Variants in TP63 observed in about 807,000 individuals in gnomAD.
The protein encoded by TP63 is tumor protein 63.
Under a neutral mutation model 82.8 loss-of-function variants are expected in TP63, and 17 were observed. The ratio of observed to expected loss-of-function variants is 0.21; its 90% CI spans 0.14 to 0.31. The LOEUF (loss-of-function observed/expected upper bound fraction) is 0.31. Among genes scored for constraint, TP63 ranks in the 10% least tolerant of loss-of-function variants. The pLI is 1.00. For missense variants in TP63, 648 were observed against 895.3 expected (o/e 0.72, Z 3.52); for synonymous variants, 330 against 321.7 (o/e 1.03, Z -0.28).
chr3:189,778,062 G>A (rs1305485164), intron 3 of TP63, among the ~76,000 whole-genome samples: 3 of 151,800 alleles, frequency 2.0e-5, no homozygotes, highest in Non-Finnish European at 4.4e-5. Flanking sequence ...CACCATGCTG[G>A]TGAACTCCAG....
chr3:189,676,525 G>C (rs954415838), intron 1 of TP63, among the ~76,000 whole-genome samples: 1 of 151,748 alleles, frequency 6.6e-6, no homozygotes, highest in Non-Finnish European at 1.5e-5. Context: ...ATATGTATTT[G>C]TATTATATAG....
intron 1 of TP63, among the ~76,000 whole-genome samples, chr3:189,641,986 T>C (rs568399638): frequency 6.6e-6 from 1 of 152,162 alleles, no homozygotes; most frequent in Non-Finnish European, 1.5e-5. Context: ...GTCAGGGCTA[T>C]CTGACCCAAA....
At chr3:189,873,658 T>C (rs1194278029) in intron 10 of TP63, 1 of 155,576 alleles carries the variant, frequency 6.4e-6, no homozygotes, top group African/African-American at 2.4e-5. Context: ...ATATAACCTA[T>C]TTATATGTTA....
chr3:189,873,972 T>C (rs1718736455), intron 10 of TP63, among the ~76,000 whole-genome samples: 1 of 152,212 alleles, frequency 6.6e-6, no homozygotes, highest in Non-Finnish European at 1.5e-5. Flanking sequence ...GCAAAGATTA[T>C]ATTTTACAAT....
At chr3:189,647,304 C>A (rs976807261) in intron 1 of TP63, among the ~76,000 whole-genome samples, 1 of 146,906 alleles carries the variant, frequency 6.8e-6, no homozygotes, top group Non-Finnish European at 1.5e-5. Flanking sequence ...ATTAGTCATA[C>A]CCTAAACCAG....
intron 1 of TP63, among the ~76,000 whole-genome samples, chr3:189,697,699 C>G (rs947237005): frequency 6.6e-6 from 1 of 151,994 alleles, no homozygotes. Context: ...AAACATATCT[C>G]TATTTATTTA....
At chr3:189,663,521 C>CTTTTTTTTTTTTTTT (rs397991949) in intron 1 of TP63, among the ~76,000 whole-genome samples, 3 of 84,530 alleles carry the variant, frequency 3.5e-5, no homozygotes, top group African/African-American at 4.7e-5. Context: ...TTCATTCATT[C>CTTTTTTTTTTTTTTT]TTTTTTTTTT....
chr3:189,612,478 G>A, the TP63 span, among the ~76,000 whole-genome samples: 4 of 152,140 alleles, frequency 2.6e-5, no homozygotes, highest in Non-Finnish European at 5.9e-5. Context: ...GGAACTGTAG[G>A]TTCAATTAAA....
intron 4 of TP63, among the ~76,000 whole-genome samples, chr3:189,840,249 A>C (rs915337543): frequency 6.6e-6 from 1 of 151,764 alleles, no homozygotes; most frequent in Non-Finnish European, 1.5e-5. Context: ...TTCATGCAGT[A>C]ATCCTCAAAA....
rs201188464 is a variant in TP63, at chr3:189,808,468, C to A, written c.521C>A (p.Pro174Gln). The part of the protein sequence containing the change: ...AIPSNTDYPG[P>Q]HSFDVSFQQS... ...CCCTCCAACACCGACTACCCAGGCC[C>A]GCACAGTTTCGACGTGTCCTTCCAG... The change falls in exon 4 of 14, where the codon CCG (proline) becomes CAG (glutamine). Residue 174 changes from proline (P) to glutamine (Q), a missense_variant. This residue lies in a region of TP63 where 64 missense variants were observed against 144.2 expected (regional missense o/e 0.44). Transcript: ENST00000264731. 2.5e-6 allele frequency: 4 copies of A among 1,614,204 alleles called. No individual in the cohort carries two copies. Among genetic ancestry groups the A allele is most frequent in the Non-Finnish European group, 2.5e-6 (3 of 1,180,034 alleles).
At chr3:189,651,642 C>A (rs907065064) in intron 1 of TP63, among the ~76,000 whole-genome samples, 2 of 145,766 alleles carry the variant, frequency 1.4e-5, no homozygotes, top group Non-Finnish European at 3.0e-5. Context: ...TAACGAGGAG[C>A]CGAATGTTAA....
chr3:189,840,857 CAAAAAAA>C (rs58360712), intron 4 of TP63, among the ~76,000 whole-genome samples: 2 of 97,316 alleles, frequency 2.1e-5, no homozygotes, highest in Non-Finnish European at 4.1e-5. Context: ...ACTCAGTCTC[CAAAAAAA>C]AAAAAAAAAA....
At chr3:189,716,231 T>C (rs1052630412) in intron 1 of TP63, among the ~76,000 whole-genome samples, 8 of 152,202 alleles carry the variant, frequency 5.3e-5, no homozygotes, top group African/African-American at 1.7e-4. Flanking sequence ...TTGTATTAGA[T>C]ACCTCCCTTT....
In TP63 at chr3:189,647,406, C is replaced by G. The variant is rs927865082; in HGVS notation, c.62+15829C>G. On this transcript the variant is annotated intron_variant, in intron 1 of 13. Coordinates refer to ENST00000264731, the MANE Select transcript of TP63 (RefSeq NM_003722.5). Reference sequence around the variant, plus strand: ...TAATATATCTAAGTTTCGTGATGAACAGTTGACCAAAGTCACTAAATATGA... The same window carrying G: ...TAATATATCTAAGTTTCGTGATGAAGAGTTGACCAAAGTCACTAAATATGA... 6.1e-5 allele frequency among the ~76,000 whole-genome samples: 9 copies of G among 147,010 alleles called. 3 individuals carry two copies. The highest frequency in any genetic ancestry group is 2.0e-4 in the African/African-American group (8 of 39,208).
chr3:189,655,012 T>C (rs797000120), intron 1 of TP63, among the ~76,000 whole-genome samples: 5 of 152,256 alleles, frequency 3.3e-5, no homozygotes, highest in African/African-American at 1.2e-4. Context: ...ACTACTGCAG[T>C]GCTGTTAAGT....
chr3:189,861,911 T>C (rs766041275), intron 4 of TP63, among the ~76,000 whole-genome samples: 108 of 152,186 alleles, frequency 7.1e-4, no homozygotes, highest in Non-Finnish European at 6.5e-4. Flanking sequence ...ATTTATAAAA[T>C]AGGGATGATA....
chr3:189,797,622 T>G (rs1725848425), intron 3 of TP63, among the ~76,000 whole-genome samples: 1 of 152,012 alleles, frequency 6.6e-6, no homozygotes, highest in African/African-American at 2.4e-5. Flanking sequence ...GTGATTACTT[T>G]TAAATAGACC....
intron 1 of TP63, chr3:189,645,255 T>C (rs1446712320): frequency 6.1e-6 from 2 of 327,658 alleles, no homozygotes; most frequent in Non-Finnish European, 1.2e-5. Flanking sequence ...ATTCGTACAG[T>C]ATTCATACTG....
intron 3 of TP63, among the ~76,000 whole-genome samples, chr3:189,797,083 G>A (rs1266626691): frequency 2.0e-5 from 3 of 152,094 alleles, no homozygotes; most frequent in African/African-American, 7.2e-5. Flanking sequence ...GAATGTGTGT[G>A]TAACGTAAAT....
Sources: allele counts gnomAD v4.1 joint callset (sites outside exome capture counted in the v4.1 genomes callset), GRCh38; gene constraint gnomAD v4.1.1; regional missense constraint gnomAD v4.1.1; transcripts MANE v1.5; gene names NCBI Gene and HGNC (gene_info 2026-07-23, HGNC 2026-07-21).